The following CROCC2 variants were observed in gnomAD, a reference collection of about 807,000 sequenced individuals.
CROCC2 encodes ciliary rootlet coiled-coil protein 2.
Under a neutral mutation model 177.6 loss-of-function variants are expected in CROCC2, and 163 were observed. That is an observed-to-expected ratio of 0.92 (90% confidence interval 0.81 to 1.05). The LOEUF is 1.05. CROCC2 is among the 50% of genes least tolerant of loss of function. CROCC2 has a pLI of 0.00. For missense variants in CROCC2, 1,929 were observed against 1,797.8 expected, an observed-to-expected ratio of 1.07 and a Z score of -1.32; for synonymous variants, 904 against 787.3, an observed-to-expected ratio of 1.15 and a Z score of -2.48.
At position 240,988,194 on chromosome 2, in the gene CROCC2, G is replaced by T. The variant is rs78363534; in HGVS notation, c.4552-545G>T. Among the ~76,000 whole-genome samples, 685 of 152,320 alleles carry T rather than the reference G, an allele frequency of 4.5e-3. 1 individual carries two copies. The highest frequency in any genetic ancestry group is 8.1e-3 in the Admixed American group (124 of 15,312). On this transcript the variant is annotated intron_variant, in intron 28 of 31. Coordinates refer to ENST00000690015, the MANE Select transcript of CROCC2 (RefSeq NM_001351305.2). The stretch of plus-strand genomic sequence containing the variant: ...GGGTAGGGAGTGGGTGACTAAGGAG[G>T]GAGCACATTGGGGCAGCCTACAGCC...
chr2:240,963,069 C>A (rs901174492), intron 20 of CROCC2, among the ~76,000 whole-genome samples: 2 of 152,146 alleles, frequency 1.3e-5, no homozygotes, highest in Admixed American at 6.5e-5. Context: ...GGTCACTGGG[C>A]CAGGGTCACT....
rs145073884 is a variant in CROCC2 at position 240,922,490 on chromosome 2, TG to T, written c.382-47del. ...TGCCCAAGATGCCCCAGCCCCTGCC[TG>T]GCGGGTTCAGGAGCAGCCAGACCAG... On this transcript the variant is annotated intron_variant, in intron 3 of 31. Transcript: ENST00000690015. 6,578 of 658,394 alleles carry T rather than the reference TG, an allele frequency of 1.0e-2. 301 individuals carry two copies. The African/African-American group carries it at 0.1, about 10-fold the overall frequency. 40.8% of individuals were successfully genotyped at this position (658,394 alleles called of 1,614,324 possible). A position where few individuals can be genotyped will look rare whatever the true frequency, so the allele number is the denominator to read the frequency against.
rs1412710481 is a variant in CROCC2 at position 240,917,798 on chromosome 2, C to T, written c.79-928C>T. On this transcript the variant is annotated intron_variant, in intron 1 of 31. Transcript: ENST00000690015. The surrounding 1 kb of genome is among the most constrained non-coding windows in gnomAD (Gnocchi z 4.9). The stretch of plus-strand genomic sequence containing the variant: ...CAGGCCGGGGACAGCTGTGGCCTTG[C>T]GTATTCCTGCGGGATCCTGCCTGGG... Among the ~76,000 whole-genome samples, 2 of 152,208 alleles carry T rather than the reference C, an allele frequency of 1.3e-5. No individual in the cohort carries two copies. Among genetic ancestry groups the T allele is most frequent in the South Asian group, 4.1e-4 (2 of 4,832 alleles).
At chr2:240,933,053 A>C (rs2059444779) in intron 9 of CROCC2, 78 bp from the exon 10 acceptor site, 2 of 1,527,624 alleles carry the variant, frequency 1.3e-6, no homozygotes, top group Non-Finnish European at 1.8e-6. Flanking sequence ...CTTTCTGGGG[A>C]GTCGCAAGCC....
Position 240,972,853 on chromosome 2 carries a change from G to A in CROCC2, c.4401+4591G>A, listed in dbSNP as rs2059731263. 6.6e-6 allele frequency among the ~76,000 whole-genome samples: 1 copy of A among 152,042 alleles called. No individual in the cohort carries two copies. Among genetic ancestry groups the A allele is most frequent in the Admixed American group, 6.5e-5 (1 of 15,276 alleles). ...TGTAATCTATGAGTCATTGTGATAG[G>A]TTTCTGGATTCAGACACACCTAAGT... On this transcript the variant is annotated intron_variant, in intron 27 of 31. Transcript: ENST00000690015. The surrounding 1 kb of genome is among the most constrained non-coding windows in gnomAD (Gnocchi z 7.1).
In CROCC2 at chr2:240,907,200, C is replaced by CCCTAGTGTCT. The variant is rs544419358; in HGVS notation, c.78+610_78+619dup. ...ACATTTGTGGGAGGCTGTGGCTCAGCCCTAGTGTCTATTCTGTGGCTTCCA... is the reference window on the plus strand; with the variant it reads ...ACATTTGTGGGAGGCTGTGGCTCAGCCCTAGTGTCTCCTAGTGTCTATTCTGTGGCTTCCA... On this transcript the variant is annotated intron_variant, in intron 1 of 31. Transcript: ENST00000690015. Among the ~76,000 whole-genome samples, 53 of 152,294 alleles carry CCCTAGTGTCT rather than the reference C, an allele frequency of 3.5e-4. No individual in the cohort carries two copies. The East Asian group carries it at 6.6e-3, about 19-fold the overall frequency.
chr2:240,936,791 CCCTTCTACTG>C (rs2059473940), intron 14 of CROCC2, among the ~76,000 whole-genome samples: 1 of 152,174 alleles, frequency 6.6e-6, no homozygotes. Context: ...TGATGTGACT[CCCTTCTACTG>C]CCTTGGCCCT....
intron 28 of CROCC2, chr2:240,986,041 G>C: frequency 2.3e-6 from 1 of 443,044 alleles, no homozygotes; most frequent in South Asian, 1.6e-5. Flanking sequence ...ATGGGGACAT[G>C]GTGGCTCTCC....
intron 28 of CROCC2, among the ~76,000 whole-genome samples, chr2:240,985,659 GCACACACACCCA>G (rs1559192778): frequency 3.1e-5 from 1 of 32,258 alleles, no homozygotes. Context: ...CACACACCCA[GCACACACACCCA>G]GGCACTCACT....
chr2:240,954,645 T>A (rs1480774805), intron 18 of CROCC2: 2 of 152,266 alleles, frequency 1.3e-5, no homozygotes, highest in African/African-American at 2.4e-5. Context: ...TATTGGGGTT[T>A]CACTGTGTAA....
chr2:240,934,400 G>T lies in CROCC2; in HGVS notation c.1716G>T (p.Glu572Asp). 3 of 1,548,776 alleles carry T rather than the reference G, an allele frequency of 1.9e-6. No homozygotes were observed. The highest frequency in any genetic ancestry group is 2.6e-6 in the Non-Finnish European group (3 of 1,146,920). Residue 572 changes from glutamate (E) to aspartate (D), a missense_variant, in exon 12 of 32, where the codon GAG (glutamate) becomes GAT (aspartate). By Grantham distance (45) the Glu-to-Asp change is conservative (BLOSUM62 2). Coordinates refer to ENST00000690015, the MANE Select transcript of CROCC2 (RefSeq NM_001351305.2). ...GAGAGGAGCTGGCATCGGTCCGGGA[G>T]GCACTGAGCACAGCACAGCTGCAGC... Reference protein sequence around the residue: ...GLREELASVREALSTAQLQRD... With the variant: ...GLREELASVRDALSTAQLQRD...
chr2:240,984,672 TCCA>T (rs1228582925), intron 28 of CROCC2, among the ~76,000 whole-genome samples: 2 of 81,194 alleles, frequency 2.5e-5, no homozygotes, highest in African/African-American at 1.1e-4. Flanking sequence ...AGGCACTCAC[TCCA>T]CCACACACAC....
In CROCC2 at chr2:240,966,273, C is replaced by G. The variant is rs115010054; in HGVS notation, c.4010C>G (p.Pro1337Arg). The G allele has an allele frequency of 2.0e-5, 11 of 537,444 alleles. No individual in the cohort carries two copies. The highest frequency in any genetic ancestry group is 3.1e-5 in the Non-Finnish European group (11 of 350,700). The allele number at this position is 537,444 out of a possible 1,614,324, so 33.3% of individuals were successfully genotyped here. A position where few individuals can be genotyped will look rare whatever the true frequency, so the allele number is the denominator to read the frequency against. ...CCTGGGCAACAGGGTACCAGCCCCC[C>G]AGCCAGGCCCCACTCGCCCCTCCGA... The part of the protein sequence containing the change: ...ALPGQQGTSP[P>R]ARPHSPLRWP... The change falls in exon 25 of 32, where the codon CCA (proline) becomes CGA (arginine). Residue 1337 changes from proline (P) to arginine (R), a missense_variant. Physicochemically the swap from Pro to Arg is moderately radical, Grantham distance 103. Coordinates refer to ENST00000690015, the MANE Select transcript of CROCC2 (RefSeq NM_001351305.2).
At chr2:240,936,604 G>A (rs1229654318) in intron 14 of CROCC2, among the ~76,000 whole-genome samples, 2 of 152,122 alleles carry the variant, frequency 1.3e-5, no homozygotes, top group Admixed American at 1.3e-4. Context: ...CTGGACATTT[G>A]GATTGTCCAG....
In CROCC2 at chr2:240,931,061, G is replaced by C. The variant is rs957377709; in HGVS notation, c.880G>C (p.Asp294His). The change falls in exon 7 of 32, where the codon GAC becomes CAC. Residue 294 changes from aspartate (D) to histidine (H), a missense_variant. By Grantham distance (81) the Asp-to-His change is moderately conservative. Transcript: ENST00000690015. Reference sequence around the variant, plus strand: ...CAGCACCCTGGGGCAGCAGCTTCGGGACAAGGCTGGGGAGATGCTGCAGCT... The same window carrying C: ...CAGCACCCTGGGGCAGCAGCTTCGGCACAAGGCTGGGGAGATGCTGCAGCT... ...TASTLGQQLR[D>H]KAGEMLQLQG... The C allele has an allele frequency of 1.4e-6, 1 of 716,660 alleles. No homozygotes were observed. The highest frequency in any genetic ancestry group is 2.7e-5 in the East Asian group (1 of 37,280). The allele number at this position is 716,660 out of a possible 1,614,324, so 44.4% of individuals were successfully genotyped here.
At chr2:240,929,794 G>A in intron 5 of CROCC2, 1 of 486,058 alleles carries the variant, frequency 2.1e-6, no homozygotes, top group Non-Finnish European at 4.0e-6. Context: ...GCCCCAGCAG[G>A]GGCCAGGCCT....
intron 1 of CROCC2, among the ~76,000 whole-genome samples, chr2:240,912,290 C>G (rs757868296): frequency 6.6e-6 from 1 of 152,152 alleles, no homozygotes; most frequent in East Asian, 1.9e-4. Context: ...CCATCCAGAG[C>G]GGGCACAGAC....
intron 14 of CROCC2, among the ~76,000 whole-genome samples, chr2:240,937,714 C>G (rs1011289018): frequency 9.9e-5 from 15 of 152,176 alleles, no homozygotes; most frequent in Non-Finnish European, 2.2e-4. Flanking sequence ...ACGTGTGCTT[C>G]CCAGACTAGC....
chr2:240,947,050 G>A (rs2059528466), intron 15 of CROCC2, among the ~76,000 whole-genome samples: 1 of 152,290 alleles, frequency 6.6e-6, no homozygotes, highest in Admixed American at 6.5e-5. Flanking sequence ...AAACCCAACA[G>A]CTGATGGCTT....
Sources: allele counts gnomAD v4.1 joint callset (sites outside exome capture counted in the v4.1 genomes callset), GRCh38; gene constraint gnomAD v4.1.1; non-coding constraint Gnocchi (gnomAD v3.1); transcripts MANE v1.5; gene names NCBI Gene and HGNC (gene_info 2026-07-23, HGNC 2026-07-21).